The following NOD2 variants were observed in gnomAD, a reference collection of about 807,000 sequenced individuals.
NOD2 encodes nucleotide-binding oligomerization domain-containing protein 2.
A neutral mutation model predicts 90.9 loss-of-function variants in NOD2; 86 were observed. The observed-to-expected ratio is 0.95, with a 90% confidence interval of 0.79 to 1.13. The LOEUF (loss-of-function observed/expected upper bound fraction) is 1.13, where lower values mean the gene tolerates loss of function less well. Among genes scored for constraint, NOD2 ranks in the 50% most tolerant of loss-of-function variants. The pLI is 0.00. For missense variants in NOD2, 1,238 were observed against 1,283.8 expected (o/e 0.96, Z 0.55); for synonymous variants, 581 against 554.6 (o/e 1.05, Z -0.67).
chr16:50,716,705 A>ACTTG, intron 5 of NOD2, 35 bp downstream of exon 5: 1 of 1,600,090 alleles, frequency 6.2e-7, no homozygotes, highest in Non-Finnish European at 8.6e-7. Flanking sequence ...ATGGGCTCCA[A>ACTTG]GTGCCCTGGT....
chr16:50,725,423 A>G (rs1381958258), intron 9 of NOD2, 66 bp from the exon 10 acceptor site: 1 of 1,219,224 alleles, frequency 8.2e-7, no homozygotes, highest in African/African-American at 1.5e-5. Context: ...TATGGGGGGC[A>G]TGTGAGTTCA....
chr16:50,723,182 T>C, intron 8 of NOD2, 119 bp from the exon 9 acceptor site: 1 of 727,380 alleles, frequency 1.4e-6, no homozygotes, highest in Non-Finnish European at 2.4e-6. Flanking sequence ...CGCAATCAAT[T>C]AGTGATGTCT....
At chr16:50,716,453 C>G in intron 4 of NOD2, 134 bp from the exon 5 acceptor site, 2 of 855,366 alleles carry the variant, frequency 2.3e-6, no homozygotes, top group Non-Finnish European at 3.7e-6. Context: ...TTGGGGTGCT[C>G]CATCTATGCA....
rs138041175 is a variant in NOD2, at chr16:50,699,717, G to A, written c.222G>A (p.Gln74=). The change falls in exon 2 of 12, where the codon CAG becomes CAA. Residue 74 remains glutamine (Q), a synonymous_variant. Transcript: ENST00000647318. The part of the protein sequence containing the change: ...TVWNKGTWAC[Q]KLIAAAQEAQ... ...GGAATAAGGGTACTTGGGCCTGTCA[G>A]AAGCTCATCGCGGCTGCCCAAGAAG... 3.7e-6 allele frequency: 6 copies of A among 1,614,046 alleles called. No homozygotes were observed. Among genetic ancestry groups the A allele is most frequent in the Non-Finnish European group, 5.1e-6 (6 of 1,180,034 alleles).
intron 1 of NOD2, chr16:50,697,688 G>T (rs1162913806): frequency 1.4e-5 from 5 of 356,086 alleles, no homozygotes; most frequent in Non-Finnish European, 2.2e-5. Context: ...TTAGATCCTG[G>T]CTTCCAGTGG....
intron 7 of NOD2, among the ~76,000 whole-genome samples, chr16:50,721,289 G>A (rs1965044819): frequency 6.6e-6 from 1 of 151,284 alleles, no homozygotes; most frequent in Non-Finnish European, 1.5e-5. Context: ...ATTTATTAGG[G>A]CACCTGTCTG....
rs886052045 is a variant in NOD2 at position 50,732,005 on chromosome 16, C to G, written c.*186C>G. 4.4e-5 allele frequency: 28 copies of G among 633,534 alleles called. No homozygotes were observed. The highest frequency in any genetic ancestry group is 8.0e-5 in the Non-Finnish European group (28 of 348,536). The allele number at this position is 633,534 out of a possible 1,614,324, so 39.2% of individuals were successfully genotyped here. On this transcript the variant is annotated 3_prime_UTR_variant, in exon 12 of 12. Coordinates refer to ENST00000647318, the MANE Select transcript of NOD2 (RefSeq NM_001370466.1). The stretch of plus-strand genomic sequence containing the variant: ...GCAGAGGAGGGAGCATCAGTGCCCT[C>G]CAGGATAGACTTTTCCCAAGCCTAC...
chr16:50,714,005 A>G (rs901485335), intron 4 of NOD2, among the ~76,000 whole-genome samples: 14 of 152,202 alleles, frequency 9.2e-5, no homozygotes, highest in African/African-American at 3.4e-4. Flanking sequence ...AGGAGGGAGG[A>G]TCATGATACT....
At chr16:50,693,850 T>C (rs374166368) in intron 1 of NOD2, among the ~76,000 whole-genome samples, 188 bp downstream of exon 1, 3 of 152,212 alleles carry the variant, frequency 2.0e-5, no homozygotes, top group East Asian at 1.9e-4. Context: ...AGGGGGCATC[T>C]CGAGGTTGGG....
intron 4 of NOD2, 68 bp downstream of exon 4, chr16:50,712,441 G>C (rs572101946): frequency 1.3e-6 from 2 of 1,597,870 alleles, no homozygotes; most frequent in Non-Finnish European, 8.5e-7. Context: ...TGGGAGCACC[G>C]AGCTGGGCTC....
chr16:50,721,334 C>T (rs560453587), intron 7 of NOD2, among the ~76,000 whole-genome samples: 44 of 150,188 alleles, frequency 2.9e-4, no homozygotes, highest in Admixed American at 1.5e-3. Context: ...CAAACGCTGT[C>T]ATATGATACA....
chr16:50,719,962 G>C lies in NOD2; in HGVS notation c.2587G>C (p.Val863Leu). ...CTACATCACTGCCGCGGGAGCCCAAGTGCTGGCCGAGGGGCTCCGAGGCAA... is the reference window on the plus strand; with the variant it reads ...CTACATCACTGCCGCGGGAGCCCAACTGCTGGCCGAGGGGCTCCGAGGCAA... The part of the protein sequence containing the change: ...NNYITAAGAQ[V>L]LAEGLRGNTS... The change falls in exon 7 of 12, where the codon GTG becomes CTG. Residue 863 changes from valine (V) to leucine (L), a missense_variant. Coordinates refer to ENST00000647318, the MANE Select transcript of NOD2 (RefSeq NM_001370466.1). 1.2e-6 allele frequency: 2 copies of C among 1,614,232 alleles called. No individual in the cohort carries two copies. Among genetic ancestry groups the C allele is most frequent in the Non-Finnish European group, 1.7e-6 (2 of 1,180,042 alleles).
At position 50,699,788 on chromosome 16, in the gene NOD2, C is replaced by T. The variant is rs149390911; in HGVS notation, c.293C>T (p.Pro98Leu). 286 of 1,613,762 alleles carry T rather than the reference C, an allele frequency of 1.8e-4. No individual in the cohort carries two copies. In the African/African-American group the frequency reaches 2.7e-3, roughly 15 times the overall value. ...QSPKLHGCWD[P>L]HSLHPARDLQ... is the part of the protein sequence containing the mutation. ...CCCAAGCTGCATGGCTGCTGGGACC[C>T]CCACTCGCTCCACCCAGCCCGAGAC... The change falls in exon 2 of 12, where the codon CCC becomes CTC. Residue 98 changes from proline (P) to leucine (L), a missense_variant. Pro to Leu is a moderately conservative substitution (Grantham distance 98). Coordinates refer to ENST00000647318, the MANE Select transcript of NOD2 (RefSeq NM_001370466.1).
At chr16:50,708,048 C>A in intron 3 of NOD2, 88 bp downstream of exon 3, 1 of 912,534 alleles carries the variant, frequency 1.1e-6, no homozygotes, top group Non-Finnish European at 1.8e-6. Flanking sequence ...GGTTAACATC[C>A]CATATGCTGG....
At chr16:50,705,517 A>C (rs1298684469) in intron 2 of NOD2, among the ~76,000 whole-genome samples, 1 of 152,242 alleles carries the variant, frequency 6.6e-6, no homozygotes, top group Non-Finnish European at 1.5e-5. Context: ...GGAGATTGAC[A>C]GTGTTTATAT....
At chr16:50,697,744 A>C in intron 1 of NOD2, 1 of 302,012 alleles carries the variant, frequency 3.3e-6, no homozygotes, top group Non-Finnish European at 6.5e-6. Context: ...CCAGACACAC[A>C]AGTAACCTCA....
rs1596923811 is a variant in NOD2, at chr16:50,732,482, T to G, written c.*663T>G. 2 of 154,632 alleles carry G rather than the reference T, an allele frequency of 1.3e-5. No individual in the cohort carries two copies. Among genetic ancestry groups the G allele is most frequent in the Non-Finnish European group, 2.9e-5 (2 of 69,544 alleles). The allele number at this position is 154,632 out of a possible 1,614,324, so 9.6% of individuals were successfully genotyped here. ...CCCTCCTTTCCGGTGTTTAAGACAT[T>G]TTTGGAAGGGGACACGTGACAGCCG... On this transcript the variant is annotated 3_prime_UTR_variant, in exon 12 of 12. Coordinates refer to ENST00000647318, the MANE Select transcript of NOD2 (RefSeq NM_001370466.1).
Position 50,712,483 on chromosome 16 carries a change from C to T in NOD2, c.2381+110C>T, listed in dbSNP as rs564031458. The T allele has an allele frequency of 7.2e-6, 10 of 1,389,112 alleles. No individual in the cohort carries two copies. In the East Asian group the frequency reaches 2.1e-4, roughly 29 times the overall value. The allele number at this position is 1,389,112 out of a possible 1,614,324, so 86.0% of individuals were successfully genotyped here. ...TCTGGGCCCAGCTTCGCCTCTGCCACCCTGCTTTGCAACACTGCCCAGATC... is the reference window on the plus strand; with the variant it reads ...TCTGGGCCCAGCTTCGCCTCTGCCATCCTGCTTTGCAACACTGCCCAGATC... On this transcript the variant is annotated intron_variant, in intron 4 of 11. Coordinates refer to ENST00000647318, the MANE Select transcript of NOD2 (RefSeq NM_001370466.1).
At chr16:50,726,179 G>A (rs1965258132) in intron 10 of NOD2, among the ~76,000 whole-genome samples, 1 of 152,082 alleles carries the variant, frequency 6.6e-6, no homozygotes, top group South Asian at 2.1e-4. Context: ...GAGATGGACA[G>A]CTCAGGTGAA....
Sources: gnomAD v4.1 joint callset for allele counts (sites outside exome capture counted in the v4.1 genomes callset) on GRCh38, gnomAD v4.1.1 for gene constraint, MANE v1.5 for transcripts, NCBI Gene and HGNC (gene_info 2026-07-23, HGNC 2026-07-21) for gene names.